The following RHBDF2 variants were observed in gnomAD, a reference collection of about 807,000 sequenced individuals.
RHBDF2 encodes inactive rhomboid protein 2.
Under a neutral mutation model 95.2 loss-of-function variants are expected in RHBDF2, and 38 were observed. That is an observed-to-expected ratio of 0.40 (90% confidence interval 0.31 to 0.52). The LOEUF is 0.52. RHBDF2 is among the 20% of genes least tolerant of loss of function. The probability of loss-of-function intolerance (pLI) is 0.56; values close to 1 mark genes in which losing one functional copy is unlikely to be tolerated. For synonymous variants in RHBDF2, 442 were observed against 462.0 expected, an observed-to-expected ratio of 0.96 and a Z score of 0.55; for missense variants, 863 against 1,137.7, an observed-to-expected ratio of 0.76 and a Z score of 3.47.
At position 76,479,824 on chromosome 17, in the gene RHBDF2, T is replaced by C; in HGVS notation, c.181A>G (p.Ser61Gly). ...RKNPAYLKSV[S>G]LQEPRSRWQE... ...CATCGGCTGCGTGGCTCCTGGAGGC[T>C]GACGCTCTTCAAGTAGGCTGGGTTC... The change falls in exon 4 of 19, where the codon AGC becomes GGC. Residue 61 changes from serine to glycine, a missense_variant. This residue lies in a region of RHBDF2 where 611 missense variants were observed against 725.5 expected (regional missense o/e 0.84). Coordinates refer to ENST00000675367, the MANE Select transcript of RHBDF2 (RefSeq NM_001005498.4). 1 of 1,612,924 alleles carries C rather than the reference T, an allele frequency of 6.2e-7. No individual in the cohort carries two copies. Among genetic ancestry groups the C allele is most frequent in the South Asian group, 1.1e-5 (1 of 90,930 alleles).
chr17:76,498,267 T>C (rs571049778), intron 1 of RHBDF2, among the ~76,000 whole-genome samples: 5 of 152,120 alleles, frequency 3.3e-5, no homozygotes, highest in African/African-American at 4.8e-5. Flanking sequence ...CCAGCCTGGC[T>C]CAGCTGGATA....
chr17:76,476,924 C>T lies in RHBDF2; in HGVS notation c.1021G>A (p.Gly341Ser). 6 of 1,613,860 alleles carry T rather than the reference C, an allele frequency of 3.7e-6. No individual in the cohort carries two copies. Among genetic ancestry groups the T allele is most frequent in the East Asian group, 2.2e-5 (1 of 44,886 alleles). The change falls in exon 9 of 19, where the codon GGC becomes AGC. Residue 341 changes from glycine to serine, a missense_variant. Transcript: ENST00000675367. ...FAFDRKKRHY[G>S]LGVVGNWLNR... ...AGCCAGTTGCCCACCACGCCGAGGC[C>T]GTAGTGCCGCTTCTTCCGATCAAAG...
chr17:76,485,356 A>T (rs1040536538), intron 2 of RHBDF2, among the ~76,000 whole-genome samples: 1 of 147,954 alleles, frequency 6.8e-6, no homozygotes, highest in Non-Finnish European at 1.5e-5. Context: ...GTTAGCGGTG[A>T]GCCGAAATCT....
At chr17:76,472,124 C>T in intron 18 of RHBDF2, 72 bp from the exon 19 acceptor site, 2 of 1,405,038 alleles carry the variant, frequency 1.4e-6, no homozygotes, top group Non-Finnish European at 1.9e-6. Flanking sequence ...CACCCTGGGT[C>T]ATCCCATCGA....
rs1452385427 is a variant in RHBDF2, at chr17:76,473,314, T to A, written c.1747A>T (p.Thr583Ser). The change falls in exon 16 of 19, where the codon ACC (threonine) becomes TCC (serine). Residue 583 changes from threonine (T) to serine (S), a missense_variant. Around this residue, in one of 2 missense-constraint regions of RHBDF2, gnomAD observed 252 missense variants for 412.2 expected, o/e 0.61. Coordinates refer to ENST00000675367, the MANE Select transcript of RHBDF2 (RefSeq NM_001005498.4). ...IGTKGSCEIT[T>S]REYCEFMHGY... ...TGCATGAACTCACAGTATTCCCGGG[T>A]GGTGATCTCACAGCTAAGGGGGTGG... is the stretch of plus-strand genomic sequence containing the variant. 1.2e-6 allele frequency: 2 copies of A among 1,610,818 alleles called. No individual in the cohort carries two copies. The highest frequency in any genetic ancestry group is 1.7e-4 in the Middle Eastern group (1 of 6,056).
rs142100810 is a variant in RHBDF2, at chr17:76,479,585, T to C, written c.272+148A>G. 121 of 728,376 alleles carry C rather than the reference T, an allele frequency of 1.7e-4. No individual in the cohort carries two copies. In the African/African-American group the frequency reaches 1.8e-3, roughly 11 times the overall value. The allele number at this position is 728,376 out of a possible 1,614,324, so 45.1% of individuals were successfully genotyped here. On this transcript the variant is annotated intron_variant, in intron 4 of 18. Transcript: ENST00000675367. ...ACCCATTTCCCCATCTATACCATGA[T>C]AATAGGCCACAGGGAGACATTGCTC...
At chr17:76,482,711 T>G (rs1308733214) in intron 2 of RHBDF2, among the ~76,000 whole-genome samples, 1 of 151,942 alleles carries the variant, frequency 6.6e-6, no homozygotes, top group Admixed American at 6.6e-5. Context: ...AGGCAGAGGT[T>G]GCAGTGAGCC....
At chr17:76,481,996 CACACACAA>C (rs879402860) in intron 2 of RHBDF2, 6,318 of 60,826 alleles carry the variant, frequency 0.1, 211 homozygotes, top group Middle Eastern at 0.15. Context: ...CACACACACA[CACACACAA>C]AACCAAAAAC....
Position 76,480,334 on chromosome 17 carries a change from G to T in RHBDF2, c.151-480C>A, listed in dbSNP as rs372869380. Among the ~76,000 whole-genome samples the T allele has an allele frequency of 2.0e-5, 3 of 151,566 alleles. No homozygotes were observed. In the East Asian group the frequency reaches 5.8e-4, roughly 29 times the overall value. The stretch of plus-strand genomic sequence containing the variant: ...CTGCCTGACCTCAAGTGATCTGGCC[G>T]CCTCGGCCTCCCAAAGTGCTGGGAT... On this transcript the variant is annotated intron_variant, in intron 3 of 18. Coordinates refer to ENST00000675367, the MANE Select transcript of RHBDF2 (RefSeq NM_001005498.4).
intron 12 of RHBDF2, 78 bp from the exon 13 acceptor site, chr17:76,474,220 TC>T: frequency 7.5e-7 from 1 of 1,329,794 alleles, no homozygotes. Context: ...CAGAGGCTTT[TC>T]CCATCTCCCC....
intron 1 of RHBDF2, among the ~76,000 whole-genome samples, chr17:76,500,132 A>G (rs976652952): frequency 2.6e-5 from 4 of 152,128 alleles, no homozygotes; most frequent in African/African-American, 9.6e-5. Context: ...TTGAGAAGGA[A>G]CCTGATGGAC....
Position 76,479,701 on chromosome 17 carries a change from G to A in RHBDF2, c.272+32C>T. ...CGAGAATCCACAGGTTGCTGGGTGG[G>A]GGGTGCTGGGCTTGGGTGTAGGGGG... On this transcript the variant is annotated intron_variant, in intron 4 of 18. Transcript: ENST00000675367. The A allele has an allele frequency of 3.3e-6, 5 of 1,536,932 alleles. 1 individual carries two copies. Among genetic ancestry groups the A allele is most frequent in the Non-Finnish European group, 4.4e-6 (5 of 1,125,790 alleles).
At chr17:76,489,145 CAA>C (rs2074229744) in intron 1 of RHBDF2, among the ~76,000 whole-genome samples, 1 of 151,960 alleles carries the variant, frequency 6.6e-6, no homozygotes, top group African/African-American at 2.4e-5. Flanking sequence ...CAAAACAAAA[CAA>C]AAGAACCCCA....
Position 76,471,232 on chromosome 17 carries a change from C to T in RHBDF2, c.*401G>A. The T allele has an allele frequency of 5.1e-6, 1 of 194,792 alleles. No individual in the cohort carries two copies. Among genetic ancestry groups the T allele is most frequent in the Non-Finnish European group, 1.1e-5 (1 of 93,450 alleles). The allele number at this position is 194,792 out of a possible 1,614,324, so 12.1% of individuals were successfully genotyped here. ...GCCCTGGGGGCAACTGAGGGCACAGCCACGTCCCCAGCAAGGGCACGCTCC... is the reference window on the plus strand; with the variant it reads ...GCCCTGGGGGCAACTGAGGGCACAGTCACGTCCCCAGCAAGGGCACGCTCC... On this transcript the variant is annotated 3_prime_UTR_variant, in exon 19 of 19. Coordinates refer to ENST00000675367, the MANE Select transcript of RHBDF2 (RefSeq NM_001005498.4).
Position 76,477,224 on chromosome 17 carries a change from TG to T in RHBDF2, c.875del (p.Pro292HisfsTer16). 1 of 1,609,812 alleles carries T rather than the reference TG, an allele frequency of 6.2e-7. No individual in the cohort carries two copies. The highest frequency in any genetic ancestry group is 1.1e-5 in the South Asian group (1 of 90,494). ...CGGGGGAGACAGGGGAGGCTGAGTG[TG>T]GGATCCCTCGGAAGTAGCTGGCAGA... ...PLSASYFRGI[P>X]HSASPVSPDG... On this transcript the variant is annotated frameshift_variant, in exon 8 of 19. Coordinates refer to ENST00000675367, the MANE Select transcript of RHBDF2 (RefSeq NM_001005498.4). LOFTEE classifies it high-confidence loss of function.
At chr17:76,498,961 G>A (rs2074508769) in intron 1 of RHBDF2, among the ~76,000 whole-genome samples, 1 of 151,984 alleles carries the variant, frequency 6.6e-6, no homozygotes, top group African/African-American at 2.4e-5. Flanking sequence ...GGTGGGGCCT[G>A]AGGGTGGGCA....
chr17:76,472,848 G>C lies in RHBDF2; in HGVS notation c.1911-9C>G. ...CGAGGCAGTGCACCACGCTGGGGGA[G>C]GGACACACCAGGCAGCGGCCTTCAG... On this transcript the variant is annotated splice_polypyrimidine_tract_variant and intron_variant, in intron 17 of 18. Coordinates refer to ENST00000675367, the MANE Select transcript of RHBDF2 (RefSeq NM_001005498.4). The C allele has an allele frequency of 6.3e-7, 1 of 1,583,882 alleles. No homozygotes were observed.
chr17:76,498,449 C>T (rs1037816816), intron 1 of RHBDF2, among the ~76,000 whole-genome samples: 7 of 152,222 alleles, frequency 4.6e-5, no homozygotes, highest in African/African-American at 1.4e-4. Flanking sequence ...GGAGGGCACA[C>T]GTCTTCCCTG....
At chr17:76,480,214 C>T (rs1009917267) in intron 3 of RHBDF2, among the ~76,000 whole-genome samples, 3 of 149,666 alleles carry the variant, frequency 2.0e-5, no homozygotes, top group Admixed American at 6.8e-5. Flanking sequence ...TCCTGAGTAG[C>T]TGGGACTATA....
Sources: allele counts gnomAD v4.1 joint callset (sites outside exome capture counted in the v4.1 genomes callset), GRCh38; gene constraint gnomAD v4.1.1; regional missense constraint gnomAD v4.1.1; transcripts MANE v1.5; gene names NCBI Gene and HGNC (gene_info 2026-07-23, HGNC 2026-07-21).